RALYL: variants seen among roughly 807,000 people sequenced by gnomAD.
The protein encoded by RALYL is RNA-binding Raly-like protein.
A neutral mutation model predicts 35.1 loss-of-function variants in RALYL; 29 were observed. That is an observed-to-expected ratio of 0.83 (90% CI 0.61 to 1.13). The LOEUF is 1.13. Among genes scored for constraint, RALYL ranks in the 50% most tolerant of loss-of-function variants. RALYL has a pLI of 0.00. For missense variants in RALYL, 359 were observed against 360.4 expected, an observed-to-expected ratio of 1.00 and a Z score of 0.03; for synonymous variants, 120 against 127.6, an observed-to-expected ratio of 0.94 and a Z score of 0.40.
At chr8:84,385,055 C>T (rs546073559) in intron 1 of RALYL, among the ~76,000 whole-genome samples, 1 of 151,848 alleles carries the variant, frequency 6.6e-6, no homozygotes, top group South Asian at 2.1e-4. Context: ...CTTCCACCCC[C>T]ACAAAGTCCA....
intron 1 of RALYL, among the ~76,000 whole-genome samples, chr8:84,263,287 T>C (rs547892705): frequency 3.9e-5 from 6 of 152,172 alleles, no homozygotes; most frequent in Non-Finnish European, 8.8e-5. Context: ...CTCATAACCA[T>C]AGAACAGTTG....
intron 5 of RALYL, among the ~76,000 whole-genome samples, chr8:84,859,268 G>A (rs1324358317): frequency 2.6e-5 from 4 of 152,028 alleles, no homozygotes; most frequent in Admixed American, 6.6e-5. Context: ...ATTTTTCATC[G>A]GCCATGCAGA....
chr8:84,696,230 T>G (rs1839115264), intron 2 of RALYL, among the ~76,000 whole-genome samples: 1 of 151,730 alleles, frequency 6.6e-6, no homozygotes, highest in African/African-American at 2.4e-5. Context: ...GATCATATGT[T>G]AAATCCTAAA....
chr8:84,803,633 C>A (rs949948603), intron 3 of RALYL, among the ~76,000 whole-genome samples: 1 of 152,158 alleles, frequency 6.6e-6, no homozygotes, highest in African/African-American at 2.4e-5. Flanking sequence ...TGCTAAGGCA[C>A]TTGCTTCCTA....
At chr8:84,342,296 A>ATATATATATATATAT (rs1554626164) in intron 1 of RALYL, among the ~76,000 whole-genome samples, 59 of 119,082 alleles carry the variant, frequency 5.0e-4, no homozygotes, top group Non-Finnish European at 6.4e-4. Context: ...ATATATATAT[A>ATATATATATATATAT]AAACTCAAAA....
intron 1 of RALYL, among the ~76,000 whole-genome samples, chr8:84,402,237 A>G (rs1332664662): frequency 6.6e-6 from 1 of 152,218 alleles, no homozygotes; most frequent in African/African-American, 2.4e-5. Context: ...ATACACAAAA[A>G]CATCACCATA....
chr8:84,523,568 G>A (rs2058643565), intron 1 of RALYL, among the ~76,000 whole-genome samples: 2 of 151,422 alleles, frequency 1.3e-5, no homozygotes, highest in African/African-American at 2.4e-5. Context: ...ACATTGTGCA[G>A]GTTAGTTACA....
intron 1 of RALYL, among the ~76,000 whole-genome samples, chr8:84,388,260 G>C (rs1291876431): frequency 6.6e-6 from 1 of 152,110 alleles, no homozygotes; most frequent in African/African-American, 2.4e-5. Flanking sequence ...CATTTGGGTT[G>C]GTTCCAAGTC....
chr8:84,299,047 A>T (rs1840292874), intron 1 of RALYL, among the ~76,000 whole-genome samples: 2 of 151,840 alleles, frequency 1.3e-5, no homozygotes, highest in Non-Finnish European at 2.9e-5. Flanking sequence ...GATGCCTTTT[A>T]TTTCTCTTGC....
At position 84,577,603 on chromosome 8, in the gene RALYL, T is replaced by TC. The variant is rs1354357224; in HGVS notation, c.256+48030dup. Among the ~76,000 whole-genome samples the TC allele has an allele frequency of 5.3e-5, 8 of 152,312 alleles. No individual in the cohort carries two copies. In the South Asian group the frequency reaches 8.3e-4, roughly 16 times the overall value. On this transcript the variant is annotated intron_variant, in intron 2 of 8. Coordinates refer to ENST00000521268, the MANE Select transcript of RALYL (RefSeq NM_173848.7). Reference sequence around the variant, plus strand: ...TTACTTTTAAAATGTTAATATGAATTCCCCTTTTTTTTAAACAGTTTTCAA... The same window carrying TC: ...TTACTTTTAAAATGTTAATATGAATTCCCCCTTTTTTTTAAACAGTTTTCAA...
chr8:84,478,979 G>A (rs1488983655), intron 1 of RALYL, among the ~76,000 whole-genome samples: 1 of 145,770 alleles, frequency 6.9e-6, no homozygotes, highest in Admixed American at 7.0e-5. Context: ...CCAGCTACTC[G>A]GGAGGCTGAG....
chr8:84,825,016 T>C (rs993434913), intron 4 of RALYL, among the ~76,000 whole-genome samples: 4 of 152,090 alleles, frequency 2.6e-5, no homozygotes, highest in African/African-American at 9.7e-5. Context: ...CTAATGAAAC[T>C]CAAGAGCTTC....
intron 1 of RALYL, among the ~76,000 whole-genome samples, chr8:84,290,547 C>T (rs901475653): frequency 1.3e-5 from 2 of 151,978 alleles, no homozygotes; most frequent in African/African-American, 4.8e-5. Flanking sequence ...CCAGGATGAG[C>T]CAGGAAAAGG....
At chr8:84,745,229 G>A (rs1203163852) in intron 2 of RALYL, among the ~76,000 whole-genome samples, 1 of 151,770 alleles carries the variant, frequency 6.6e-6, no homozygotes, top group African/African-American at 2.4e-5. Context: ...TCCTTCCAAA[G>A]CCCACTTCCA....
At chr8:84,201,256 T>C (rs1006039933) in intron 1 of RALYL, among the ~76,000 whole-genome samples, 1 of 152,142 alleles carries the variant, frequency 6.6e-6, no homozygotes, top group Non-Finnish European at 1.5e-5. Flanking sequence ...TGTATAGTCT[T>C]TGAGGTTAAA....
intron 2 of RALYL, chr8:84,678,758 G>T (rs1404207521): frequency 1.3e-5 from 2 of 152,482 alleles, no homozygotes; most frequent in Non-Finnish European, 2.9e-5. Context: ...TAGTAAGGCG[G>T]TGTAATCACT....
At chr8:84,726,793 T>C (rs1480435060) in intron 2 of RALYL, among the ~76,000 whole-genome samples, 1 of 152,032 alleles carries the variant, frequency 6.6e-6, no homozygotes, top group African/African-American at 2.4e-5. Flanking sequence ...CCAATTTACT[T>C]AGCAAACATT....
At chr8:84,725,525 T>C (rs1017217337) in intron 2 of RALYL, among the ~76,000 whole-genome samples, 3 of 151,784 alleles carry the variant, frequency 2.0e-5, no homozygotes, top group Non-Finnish European at 3.0e-5. Context: ...TAGTAGCTGA[T>C]ACATCTGTTC....
intron 2 of RALYL, among the ~76,000 whole-genome samples, chr8:84,606,539 A>G (rs1180825890): frequency 6.6e-6 from 1 of 152,178 alleles, no homozygotes; most frequent in Non-Finnish European, 1.5e-5. Context: ...GGAGTCTTTA[A>G]TAATTTAGTT....
Sources: gnomAD v4.1 joint callset for allele counts (sites outside exome capture counted in the v4.1 genomes callset) on GRCh38, gnomAD v4.1.1 for gene constraint, MANE v1.5 for transcripts, NCBI Gene and HGNC (gene_info 2026-07-23, HGNC 2026-07-21) for gene names.